The following SPACA1 variants were observed in gnomAD, a reference collection of about 807,000 sequenced individuals.
SPACA1 encodes the protein sperm acrosome associated 1, also known as sperm acrosome membrane-associated protein 1.
Under a neutral mutation model 32.6 loss-of-function variants are expected in SPACA1, and 17 were observed. The observed-to-expected ratio is 0.52, with a 90% CI of 0.36 to 0.78. The LOEUF is 0.78. SPACA1 is among the 30% of genes least tolerant of loss of function. The pLI is 0.01. For missense variants in SPACA1, 363 were observed against 373.4 expected, an observed-to-expected ratio of 0.97 and a Z score of 0.23; for synonymous variants, 140 against 138.1, an observed-to-expected ratio of 1.01 and a Z score of -0.10.
At chr6:88,051,946 A>T (rs968453601) in intron 1 of SPACA1, among the ~76,000 whole-genome samples, 2 of 152,234 alleles carry the variant, frequency 1.3e-5, no homozygotes, top group Non-Finnish European at 2.9e-5. Flanking sequence ...TACCATGTTG[A>T]CACCAACTGG....
At chr6:88,054,494 A>G (rs547843646) in intron 2 of SPACA1, among the ~76,000 whole-genome samples, 1 of 152,346 alleles carries the variant, frequency 6.6e-6, no homozygotes, top group Admixed American at 6.5e-5. Flanking sequence ...TGATCATTCC[A>G]TGGGTAGAAA....
At chr6:88,062,429 G>GT (rs2127801735) in intron 5 of SPACA1, among the ~76,000 whole-genome samples, 1 of 152,264 alleles carries the variant, frequency 6.6e-6, no homozygotes, top group East Asian at 1.9e-4. Context: ...GATGATCTCT[G>GT]TAGTTCTTTC....
intron 4 of SPACA1, 126 bp downstream of exon 4, chr6:88,058,948 C>G: frequency 3.4e-6 from 2 of 581,892 alleles, no homozygotes; most frequent in South Asian, 5.6e-5. Flanking sequence ...AAGAATTATA[C>G]AACTTTATTA....
chr6:88,066,402 A>G lies in SPACA1; in HGVS notation c.*67A>G, dbSNP rs1582278704. 1 of 1,398,122 alleles carries G rather than the reference A, an allele frequency of 7.2e-7. No individual in the cohort carries two copies. The highest frequency in any genetic ancestry group is 2.5e-5 in the East Asian group (1 of 39,966). 86.6% of individuals were successfully genotyped at this position (1,398,122 alleles called of 1,614,324 possible). On this transcript the variant is annotated 3_prime_UTR_variant, in exon 7 of 7. Coordinates refer to ENST00000237201, the MANE Select transcript of SPACA1 (RefSeq NM_030960.3). Reference sequence around the variant, plus strand: ...ATTAGATTCATTATTACAAAAATAAAATACACATTGAAATACTTTAATAAT... The same window carrying G: ...ATTAGATTCATTATTACAAAAATAAGATACACATTGAAATACTTTAATAAT...
chr6:88,065,275 T>C (rs1775963056), intron 6 of SPACA1, among the ~76,000 whole-genome samples: 2 of 148,530 alleles, frequency 1.3e-5, no homozygotes, highest in African/African-American at 4.9e-5. Flanking sequence ...AGACTAAAAA[T>C]AATGAATGAA....
At chr6:88,064,063 G>A (rs1383055652) in intron 5 of SPACA1, 36 bp from the exon 6 acceptor site, 2 of 1,593,130 alleles carry the variant, frequency 1.3e-6, no homozygotes, top group Non-Finnish European at 8.5e-7. Flanking sequence ...CTTTTCCTCA[G>A]TAGTAATACT....
chr6:88,053,563 A>G (rs886705198), intron 1 of SPACA1, among the ~76,000 whole-genome samples: 27 of 152,182 alleles, frequency 1.8e-4, no homozygotes, highest in Non-Finnish European at 2.2e-4. Flanking sequence ...GAAATTATAC[A>G]CTCAATTTTG....
intron 1 of SPACA1, 23 bp downstream of exon 1, chr6:88,048,136 G>A (rs1171925138): frequency 1.2e-5 from 18 of 1,561,726 alleles, no homozygotes; most frequent in Non-Finnish European, 1.4e-5. Flanking sequence ...GCTCCCTTGC[G>A]GGGCACGCGG....
intron 5 of SPACA1, among the ~76,000 whole-genome samples, chr6:88,062,716 A>T (rs1775915190): frequency 6.6e-6 from 1 of 152,116 alleles, no homozygotes; most frequent in Non-Finnish European, 1.5e-5. Flanking sequence ...AGGGAGGCTG[A>T]GGTGGGAAGA....
At chr6:88,053,679 A>T (rs900711563) in intron 1 of SPACA1, among the ~76,000 whole-genome samples, 4 of 152,138 alleles carry the variant, frequency 2.6e-5, no homozygotes, top group Admixed American at 2.0e-4. Context: ...ACTGATGAAA[A>T]ACATTTTTAA....
intron 3 of SPACA1, 26 bp from the exon 4 acceptor site, chr6:88,058,690 T>C (rs748003476): frequency 9.3e-6 from 14 of 1,497,788 alleles, no homozygotes; most frequent in Non-Finnish European, 1.3e-5. Context: ...TGCCCAATGG[T>C]ATTTATGTGC....
chr6:88,057,122 C>T (rs1352161598), intron 2 of SPACA1, among the ~76,000 whole-genome samples: 1 of 152,126 alleles, frequency 6.6e-6, no homozygotes, highest in African/African-American at 2.4e-5. Context: ...AATTTATGGA[C>T]TGTAAGAAGT....
chr6:88,050,170 TA>T (rs1339264636), intron 1 of SPACA1, among the ~76,000 whole-genome samples: 1 of 152,212 alleles, frequency 6.6e-6, no homozygotes, highest in Non-Finnish European at 1.5e-5. Flanking sequence ...ATAAACGTTA[TA>T]AAAAGGGAAA....
At position 88,057,685 on chromosome 6, in the gene SPACA1, A is replaced by G. The variant is rs1402409035; in HGVS notation, c.339A>G (p.Glu113=). Residue 113 remains glutamate, a synonymous_variant, in exon 3 of 7, where the codon GAA becomes GAG. Coordinates refer to ENST00000237201, the MANE Select transcript of SPACA1 (RefSeq NM_030960.3). ...AATCCAAGTGTGTTGTACGGGTAGAAGAATGCCGTGGACCAACAGATTGTG... is the reference window on the plus strand; with the variant it reads ...AATCCAAGTGTGTTGTACGGGTAGAGGAATGCCGTGGACCAACAGATTGTG... ...GGESKCVVRV[E]ECRGPTDCGW... is the part of the protein sequence containing the mutation. The G allele has an allele frequency of 6.2e-7, 1 of 1,614,088 alleles. No individual in the cohort carries two copies. Among genetic ancestry groups the G allele is most frequent in the South Asian group, 1.1e-5 (1 of 91,076 alleles).
In SPACA1 at chr6:88,063,971, A is replaced by G. The variant is rs368480518; in HGVS notation, c.611-128A>G. 128 of 1,033,030 alleles carry G rather than the reference A, an allele frequency of 1.2e-4. 1 individual carries two copies. The African/African-American group carries it at 1.9e-3, about 15-fold the overall frequency. The allele number at this position is 1,033,030 out of a possible 1,614,324, so 64.0% of individuals were successfully genotyped here. ...TCAAACATGCAGAGCAAGATCATTA[A>G]TAATTTTCTCTGCACTAAGCATTTC... is the stretch of plus-strand genomic sequence containing the variant. On this transcript the variant is annotated intron_variant, in intron 5 of 6. Coordinates refer to ENST00000237201, the MANE Select transcript of SPACA1 (RefSeq NM_030960.3).
At chr6:88,048,516 G>C (rs757629083) in intron 1 of SPACA1, among the ~76,000 whole-genome samples, 1 of 151,892 alleles carries the variant, frequency 6.6e-6, no homozygotes, top group Non-Finnish European at 1.5e-5. Context: ...TTGCACTTGG[G>C]GTTGCAATGG....
At chr6:88,059,848 C>T (rs928797690) in intron 5 of SPACA1, among the ~76,000 whole-genome samples, 3 of 152,318 alleles carry the variant, frequency 2.0e-5, no homozygotes, top group Admixed American at 2.0e-4. Flanking sequence ...TTCTTTTTCA[C>T]AAAGTAGTCA....
rs200179894 is a variant in SPACA1 at position 88,058,848 on chromosome 6, G to A, written c.474+26G>A. Reference sequence around the variant, plus strand: ...GTGAGTAATGAATGGATATAACCTGGTGCTTTCTAGTGAGTGATAAAATTT... The same window carrying A: ...GTGAGTAATGAATGGATATAACCTGATGCTTTCTAGTGAGTGATAAAATTT... On this transcript the variant is annotated intron_variant, in intron 4 of 6. Transcript: ENST00000237201. 1.8e-3 allele frequency: 2,554 copies of A among 1,436,314 alleles called. 3 individuals carry two copies. Among genetic ancestry groups the A allele is most frequent in the Middle Eastern group, 5.6e-3 (31 of 5,576 alleles). The allele number at this position is 1,436,314 out of a possible 1,614,324, so 89.0% of individuals were successfully genotyped here. A position where few individuals can be genotyped will look rare whatever the true frequency, so the allele number is the denominator to read the frequency against.
At chr6:88,062,115 A>G (rs1216012073) in intron 5 of SPACA1, among the ~76,000 whole-genome samples, 1 of 152,208 alleles carries the variant, frequency 6.6e-6, no homozygotes, top group East Asian at 1.9e-4. Context: ...AAATCCAACA[A>G]TGTTGGAACG....
Sources: gnomAD v4.1 joint callset for allele counts (sites outside exome capture counted in the v4.1 genomes callset) on GRCh38, gnomAD v4.1.1 for gene constraint, MANE v1.5 for transcripts, NCBI Gene and HGNC (gene_info 2026-07-23, HGNC 2026-07-21) for gene names.